Variants in PNPT1 observed in about 807,000 individuals in gnomAD.
PNPT1 encodes polyribonucleotide nucleotidyltransferase 1, mitochondrial.
In PNPT1, 53 loss-of-function variants were observed where a neutral mutation model predicts 119.5. The ratio of observed to expected loss-of-function variants is 0.44; its 90% confidence interval spans 0.36 to 0.56. PNPT1 has a LOEUF of 0.56. Ranked by LOEUF, PNPT1 falls within the 20% of genes least tolerant of loss-of-function variation. The pLI, the probability that PNPT1 is intolerant of heterozygous loss-of-function variation, is 0.00. For synonymous variants in PNPT1, 357 were observed against 322.1 expected (o/e 1.11, Z -1.16); for missense variants, 948 against 938.5 (o/e 1.01, Z -0.13).
chr2:55,677,463 G>A (rs937160654), intron 8 of PNPT1, among the ~76,000 whole-genome samples: 1 of 151,826 alleles, frequency 6.6e-6, no homozygotes, highest in Non-Finnish European at 1.5e-5. Flanking sequence ...GCATGGCGGT[G>A]CACGCCTATA....
intron 1 of PNPT1, among the ~76,000 whole-genome samples, chr2:55,688,654 G>T (rs1225441183): frequency 6.6e-6 from 1 of 152,126 alleles, no homozygotes. Flanking sequence ...GAACCCAGGA[G>T]GGGGAGGTTA....
At chr2:55,673,126 T>TATTA in intron 8 of PNPT1, 47 bp from the exon 9 acceptor site, 1 of 1,411,446 alleles carries the variant, frequency 7.1e-7, no homozygotes, top group Non-Finnish European at 9.5e-7. Flanking sequence ...TCGAAGCTCT[T>TATTA]AGTAATATAA....
intron 12 of PNPT1, 97 bp from the exon 13 acceptor site, chr2:55,667,190 T>C (rs1696761688): frequency 1.2e-6 from 1 of 825,650 alleles, no homozygotes; most frequent in Admixed American, 2.2e-5. Flanking sequence ...CTCAGTTGTG[T>C]ATCATAATCC....
intron 15 of PNPT1, among the ~76,000 whole-genome samples, chr2:55,657,378 A>T (rs1559096010): frequency 6.7e-6 from 1 of 149,106 alleles, no homozygotes; most frequent in Admixed American, 6.7e-5. Flanking sequence ...ATTAACAAGA[A>T]TTTTTTTTTT....
chr2:55,668,130 T>C (rs1009965485), intron 11 of PNPT1, among the ~76,000 whole-genome samples, 172 bp from the exon 12 acceptor site: 1 of 152,248 alleles, frequency 6.6e-6, no homozygotes, highest in Non-Finnish European at 1.5e-5. Flanking sequence ...CTCAACCAAA[T>C]GTGACACATC....
At chr2:55,686,958 T>TA (rs1386106122) in intron 2 of PNPT1, among the ~76,000 whole-genome samples, 5 of 152,058 alleles carry the variant, frequency 3.3e-5, no homozygotes, top group African/African-American at 4.8e-5. Context: ...CTCACGTCTG[T>TA]AATCCCAGCA....
intron 8 of PNPT1, among the ~76,000 whole-genome samples, chr2:55,673,816 A>G (rs934783530): frequency 1.3e-5 from 2 of 151,946 alleles, no homozygotes; most frequent in Non-Finnish European, 2.9e-5. Flanking sequence ...TGCCAAAGTG[A>G]CTTTAGGTGA....
chr2:55,679,852 A>G, intron 7 of PNPT1, 57 bp from the exon 8 acceptor site: 2 of 1,187,340 alleles, frequency 1.7e-6, no homozygotes, highest in Non-Finnish European at 2.4e-6. Flanking sequence ...TTTTCAAGAC[A>G]TTATTCCAGT....
chr2:55,675,771 C>G (rs779289018), intron 8 of PNPT1, among the ~76,000 whole-genome samples: 1 of 152,096 alleles, frequency 6.6e-6, no homozygotes, highest in African/African-American at 2.4e-5. Flanking sequence ...ATGGTAACTA[C>G]TAGCCACATA....
Position 55,636,225 on chromosome 2 carries a change from T to TAAA in PNPT1, c.*9_*11dup. 18 of 1,364,458 alleles carry TAAA rather than the reference T, an allele frequency of 1.3e-5. No homozygotes were observed. The highest frequency in any genetic ancestry group is 2.7e-5 in the South Asian group (2 of 74,254). 84.5% of individuals were successfully genotyped at this position (1,364,458 alleles called of 1,614,324 possible). A position where few individuals can be genotyped will look rare whatever the true frequency, so the allele number is the denominator to read the frequency against. ...CAAAATAGAATTCTAGAATTCTCTT[T>TAAA]AAAAAAAAAAATCACTGAGAATTAG... On this transcript the variant is annotated 3_prime_UTR_variant, in exon 28 of 28. Transcript: ENST00000447944.
intron 18 of PNPT1, 143 bp downstream of exon 18, chr2:55,654,757 G>A: frequency 1.6e-6 from 1 of 624,082 alleles, no homozygotes; most frequent in Non-Finnish European, 2.8e-6. Context: ...AATCTTTTTT[G>A]TAGAGATGAG....
intron 15 of PNPT1, among the ~76,000 whole-genome samples, chr2:55,657,178 AATC>A (rs1360374750): frequency 6.6e-6 from 1 of 151,738 alleles, no homozygotes; most frequent in Non-Finnish European, 1.5e-5. Flanking sequence ...AAAATAGAAA[AATC>A]AGCAGGGCGT....
intron 7 of PNPT1, 125 bp from the exon 8 acceptor site, chr2:55,679,920 G>T: frequency 6.1e-6 from 4 of 659,694 alleles, no homozygotes; most frequent in Non-Finnish European, 1.0e-5. Flanking sequence ...GTTTCTACAC[G>T]GTATTTAAGA....
At chr2:55,659,367 C>T (rs1338879170) in intron 15 of PNPT1, among the ~76,000 whole-genome samples, 4 of 152,188 alleles carry the variant, frequency 2.6e-5, no homozygotes, top group African/African-American at 7.2e-5. Context: ...ATAATCATCT[C>T]ATATAAAGTA....
intron 5 of PNPT1, 58 bp from the exon 6 acceptor site, chr2:55,680,976 C>A: frequency 1.4e-6 from 2 of 1,395,030 alleles, no homozygotes; most frequent in South Asian, 1.2e-5. Flanking sequence ...AACATCCTGA[C>A]CTAAAATACA....
At chr2:55,644,787 G>T in intron 22 of PNPT1, 67 bp from the exon 23 acceptor site, 1 of 1,138,812 alleles carries the variant, frequency 8.8e-7, no homozygotes, top group Non-Finnish European at 1.2e-6. Context: ...ACATGCCATG[G>T]TCACTTGAGA....
At chr2:55,676,169 A>G (rs1697064027) in intron 8 of PNPT1, among the ~76,000 whole-genome samples, 5 of 150,086 alleles carry the variant, frequency 3.3e-5, no homozygotes, top group Admixed American at 2.7e-4. Flanking sequence ...CCGAGTCAAG[A>G]GAATCGCTTG....
intron 5 of PNPT1, among the ~76,000 whole-genome samples, chr2:55,683,346 G>A (rs1031806263): frequency 6.6e-6 from 1 of 152,152 alleles, no homozygotes; most frequent in East Asian, 1.9e-4. Flanking sequence ...CAGGCACAGT[G>A]GCTCACGCCT....
intron 18 of PNPT1, among the ~76,000 whole-genome samples, chr2:55,651,048 G>T (rs1325407264): frequency 6.6e-5 from 8 of 120,812 alleles, no homozygotes; most frequent in African/African-American, 2.2e-4. Context: ...CTGCCTGGCC[G>T]GCCGCCCCGT....
Sources: gnomAD v4.1 joint callset for allele counts (sites outside exome capture counted in the v4.1 genomes callset) on GRCh38, gnomAD v4.1.1 for gene constraint, MANE v1.5 for transcripts, NCBI Gene and HGNC (gene_info 2026-07-23, HGNC 2026-07-21) for gene names.